The following FANCI variants were observed in gnomAD, a reference collection of about 807,000 sequenced individuals.
The protein encoded by FANCI is FA complementation group I.
Under a neutral mutation model 176.1 loss-of-function variants are expected in FANCI, and 156 were observed. The ratio of observed to expected loss-of-function variants is 0.89; its 90% CI spans 0.78 to 1.01. The LOEUF (loss-of-function observed/expected upper bound fraction) is 1.01, where lower values mean the gene tolerates loss of function less well. FANCI is among the 50% of genes least tolerant of loss of function. The pLI, the probability that FANCI is intolerant of heterozygous loss-of-function variation, is 0.00. For missense variants in FANCI, 1,678 were observed against 1,534.1 expected (o/e 1.09, Z -1.57); for synonymous variants, 613 against 541.7 (o/e 1.13, Z -1.83).
intron 18 of FANCI, among the ~76,000 whole-genome samples, chr15:89,287,320 G>C (rs1183446005): frequency 6.6e-6 from 1 of 152,144 alleles, no homozygotes; most frequent in African/African-American, 2.4e-5. Context: ...TAAACCTCAT[G>C]AACCAACCTC....
intron 8 of FANCI, 67 bp from the exon 9 acceptor site, chr15:89,264,455 A>G: frequency 7.6e-7 from 1 of 1,313,684 alleles, no homozygotes; most frequent in South Asian, 1.2e-5. Flanking sequence ...GCTGAAAACT[A>G]CTTTGAATTC....
In FANCI at chr15:89,294,814, G is replaced by A. The variant is rs2283431; in HGVS notation, c.2457-101G>A. On this transcript the variant is annotated intron_variant, in intron 23 of 37. Transcript: ENST00000310775. ...TCGGAACTTACTGGCAAGCTCTGTT[G>A]GGTGCTGCTGTTCTGAACAATTTCT... The A allele has an allele frequency of 0.37, 462,768 of 1,247,316 alleles. 89,166 individuals carry two copies. The highest frequency in any genetic ancestry group is 0.4 in the South Asian group (26,114 of 66,094). The allele number at this position is 1,247,316 out of a possible 1,614,324, so 77.3% of individuals were successfully genotyped here. A position where few individuals can be genotyped will look rare whatever the true frequency, so the allele number is the denominator to read the frequency against.
rs745308624 is a variant in FANCI at position 89,291,694 on chromosome 15, A to C, written c.1972A>C (p.Ile658Leu). ...TTGTATTCTGACCCAAGGAGATAAG[A>C]TCTCTCTACAAGAACCACTGGTGAG... ...EACILTQGDK[I>L]SLQEPLDYLL... The change falls in exon 20 of 38, where the codon ATC (isoleucine) becomes CTC (leucine). Residue 658 changes from isoleucine (I) to leucine (L), a missense_variant. By Grantham distance (5) the Ile-to-Leu change is conservative. Around this residue, in one of 3 missense-constraint regions of FANCI, gnomAD observed 1,204 missense variants for 1,077.4 expected, o/e 1.12. Coordinates refer to ENST00000310775, the MANE Select transcript of FANCI (RefSeq NM_001113378.2). 1.9e-6 allele frequency: 3 copies of C among 1,613,616 alleles called. No individual in the cohort carries two copies. Among genetic ancestry groups the C allele is most frequent in the African/African-American group, 1.3e-5 (1 of 75,030 alleles).
rs2053064054 is a variant in FANCI at position 89,268,465 on chromosome 15, C to T, written c.822C>T (p.His274=). 6.2e-7 allele frequency: 1 copy of T among 1,614,174 alleles called. No individual in the cohort carries two copies. ...ATGTGGAAGGCACCATTATTCTACA[C>T]ATTGTGTTTGCCATCAAATTGGACT... ...LRHVEGTIIL[H]IVFAIKLDYE... The change falls in exon 10 of 38, where the codon CAC becomes CAT. Residue 274 remains histidine (H), a synonymous_variant. Transcript: ENST00000310775.
chr15:89,299,684 A>T, intron 24 of FANCI, 116 bp from the exon 25 acceptor site: 1 of 995,996 alleles, frequency 1.0e-6, no homozygotes, highest in Non-Finnish European at 1.5e-6. Flanking sequence ...TTACACAACC[A>T]TGTAAGTTTT....
rs886051507 is a variant in FANCI at position 89,261,588 on chromosome 15, C to T, written c.292C>T (p.His98Tyr). 24 of 1,613,980 alleles carry T rather than the reference C, an allele frequency of 1.5e-5. No homozygotes were observed. Among genetic ancestry groups the T allele is most frequent in the East Asian group, 2.2e-5 (1 of 44,876 alleles). Residue 98 changes from histidine to tyrosine, a missense_variant, in exon 5 of 38, where the codon CAC (histidine) becomes TAC (tyrosine). By Grantham distance (83) the His-to-Tyr change is moderately conservative. This residue lies in a region of FANCI where 469 missense variants were observed against 436.9 expected (regional missense o/e 1.07). Coordinates refer to ENST00000310775, the MANE Select transcript of FANCI (RefSeq NM_001113378.2). ...EIIGLLMLEA[H>Y]HFPGPLLVEL... ...CCTTTATCCTGTGAACTTTTAGGCTCACCATTTTCCAGGACCATTATTGGT... is the reference window on the plus strand; with the variant it reads ...CCTTTATCCTGTGAACTTTTAGGCTTACCATTTTCCAGGACCATTATTGGT...
chr15:89,246,205 A>T (rs1019084755), intron 1 of FANCI, among the ~76,000 whole-genome samples: 1 of 152,132 alleles, frequency 6.6e-6, no homozygotes, highest in South Asian at 2.1e-4. Context: ...ACTGAATTCT[A>T]TCTGCTTCAT....
chr15:89,264,153 T>G, intron 8 of FANCI, 127 bp downstream of exon 8: 1 of 1,080,030 alleles, frequency 9.3e-7, no homozygotes, highest in Non-Finnish European at 1.4e-6. Flanking sequence ...TCATTTCACG[T>G]GAGCAAACAT....
Position 89,273,435 on chromosome 15 carries a change from T to C in FANCI, c.941T>C (p.Leu314Pro), listed in dbSNP as rs1466562372. 6.2e-7 allele frequency: 1 copy of C among 1,608,712 alleles called. No homozygotes were observed. The highest frequency in any genetic ancestry group is 2.2e-5 in the East Asian group (1 of 44,802). Residue 314 changes from leucine (L) to proline (P), a missense_variant, in exon 11 of 38, where the codon CTG (leucine) becomes CCG (proline). Around this residue, in one of 3 missense-constraint regions of FANCI, gnomAD observed 469 missense variants for 436.9 expected, o/e 1.07. Coordinates refer to ENST00000310775, the MANE Select transcript of FANCI (RefSeq NM_001113378.2). ...AGTCCCTTCAGCATTGCTCTTCTTC[T>C]GTCTGTAACAAGAATACAAAGATTT... ...NLSPFSIALL[L>P]SVTRIQRFQD...
chr15:89,279,139 GTTT>G (rs869199260), intron 14 of FANCI, among the ~76,000 whole-genome samples: 4 of 133,964 alleles, frequency 3.0e-5, no homozygotes, highest in East Asian at 2.1e-4. Context: ...TGAATTTGCT[GTTT>G]TGTTGTTGTT....
At chr15:89,259,667 C>T (rs899102660) in intron 3 of FANCI, among the ~76,000 whole-genome samples, 4 of 152,166 alleles carry the variant, frequency 2.6e-5, no homozygotes, top group African/African-American at 4.8e-5. Flanking sequence ...TAGTCCATTC[C>T]AGTCCTAAGA....
At chr15:89,312,084 T>C (rs925104539) in intron 34 of FANCI, among the ~76,000 whole-genome samples, 1 of 152,180 alleles carries the variant, frequency 6.6e-6, no homozygotes, top group Non-Finnish European at 1.5e-5. Context: ...GATAACCCAT[T>C]GCACATAAAA....
chr15:89,301,196 A>G, intron 26 of FANCI, 130 bp from the exon 27 acceptor site: 1 of 761,314 alleles, frequency 1.3e-6, no homozygotes, highest in Non-Finnish European at 2.4e-6. Context: ...TTCAGATTTT[A>G]TCCTCTTAGA....
rs538519738 is a variant in FANCI at position 89,296,815 on chromosome 15, C to G, written c.2636+1721C>G. Reference sequence around the variant, plus strand: ...GGCTGGCCAGGTGGGGGGCTGACCCCCCCACCTCCCTCCCGGACGGGGCGG... The same window carrying G: ...GGCTGGCCAGGTGGGGGGCTGACCCGCCCACCTCCCTCCCGGACGGGGCGG... On this transcript the variant is annotated intron_variant, in intron 24 of 37. Coordinates refer to ENST00000310775, the MANE Select transcript of FANCI (RefSeq NM_001113378.2). Among the ~76,000 whole-genome samples, 291 of 150,068 alleles carry G rather than the reference C, an allele frequency of 1.9e-3. 1 individual carries two copies. The highest frequency in any genetic ancestry group is 3.6e-3 in the Admixed American group (54 of 15,176).
chr15:89,281,826 T>C lies in FANCI; in HGVS notation c.1574T>C (p.Met525Thr). 1.2e-6 allele frequency: 2 copies of C among 1,613,806 alleles called. No homozygotes were observed. The highest frequency in any genetic ancestry group is 1.7e-6 in the Non-Finnish European group (2 of 1,179,828). The change falls in exon 16 of 38, where the codon ATG becomes ACG. Residue 525 changes from methionine to threonine, a missense_variant. Physicochemically the swap from Met to Thr is moderately conservative, Grantham distance 81. Transcript: ENST00000310775. Reference sequence around the variant, plus strand: ...TTGATACTTGTCCTTCGGAAAGCTATGTTTGCCAAGTATGTAGCATCTTTT... The same window carrying C: ...TTGATACTTGTCCTTCGGAAAGCTACGTTTGCCAAGTATGTAGCATCTTTT... ...DCLILVLRKA[M>T]FANQLDARKS...
chr15:89,278,656 A>G (rs938655236), intron 13 of FANCI, 31 bp from the exon 14 acceptor site: 6 of 1,563,306 alleles, frequency 3.8e-6, no homozygotes, highest in Non-Finnish European at 5.3e-6. Flanking sequence ...AGGGTCACCC[A>G]GGAATATTTT....
At chr15:89,305,932 C>A in intron 31 of FANCI, 75 bp from the exon 32 acceptor site, 3 of 1,474,142 alleles carry the variant, frequency 2.0e-6, no homozygotes, top group African/African-American at 1.4e-5. Context: ...TAGTAGTAAT[C>A]AATTTCTAAA....
chr15:89,284,707 C>T (rs147342683), intron 17 of FANCI, among the ~76,000 whole-genome samples: 1 of 152,318 alleles, frequency 6.6e-6, no homozygotes, highest in East Asian at 1.9e-4. Flanking sequence ...GTCTTCCTCT[C>T]AACCTTTCTA....
intron 1 of FANCI, among the ~76,000 whole-genome samples, chr15:89,247,263 C>G (rs2052030626): frequency 6.6e-6 from 1 of 151,980 alleles, no homozygotes; most frequent in African/African-American, 2.4e-5. Context: ...TTATTACATG[C>G]TTATGGTAAT....
Sources: gnomAD v4.1 joint callset for allele counts (sites outside exome capture counted in the v4.1 genomes callset) on GRCh38, gnomAD v4.1.1 for gene constraint, gnomAD v4.1.1 regional missense constraint, MANE v1.5 for transcripts, NCBI Gene and HGNC (gene_info 2026-07-23, HGNC 2026-07-21) for gene names.